The following TCF12 variants were observed in gnomAD, a reference collection of about 807,000 sequenced individuals.
TCF12 encodes transcription factor 12.
Under a neutral mutation model 86.0 loss-of-function variants are expected in TCF12, and 45 were observed. The ratio of observed to expected loss-of-function variants is 0.52; its 90% CI spans 0.41 to 0.67. The LOEUF (loss-of-function observed/expected upper bound fraction) is 0.67. Among genes scored for constraint, TCF12 ranks in the 30% least tolerant of loss-of-function variants. The probability of loss-of-function intolerance (pLI) is 0.00; values close to 1 mark genes in which losing one functional copy is unlikely to be tolerated. For synonymous variants in TCF12, 330 were observed against 299.6 expected, an observed-to-expected ratio of 1.10 and a Z score of -1.05; for missense variants, 881 against 859.9, an observed-to-expected ratio of 1.02 and a Z score of -0.31.
intron 8 of TCF12, among the ~76,000 whole-genome samples, chr15:57,226,124 G>C (rs28404473): frequency 0.013 from 1,945 of 148,714 alleles, 47 homozygotes; most frequent in African/African-American, 0.042. Flanking sequence ...TAAAATTATA[G>C]GCCTAGAGTC....
intron 3 of TCF12, among the ~76,000 whole-genome samples, chr15:56,935,428 A>G (rs1481011579): frequency 1.3e-5 from 2 of 152,012 alleles, no homozygotes; most frequent in Admixed American, 6.6e-5. Context: ...ATGTGTGTGT[A>G]TGGTGGGAGG....
chr15:56,960,338 C>A (rs1431295346), intron 3 of TCF12, among the ~76,000 whole-genome samples: 1 of 151,846 alleles, frequency 6.6e-6, no homozygotes, highest in Non-Finnish European at 1.5e-5. Context: ...ATGTTTGCTG[C>A]AAGTTAGTCA....
intron 5 of TCF12, among the ~76,000 whole-genome samples, chr15:57,097,896 C>A (rs2049438626): frequency 6.6e-6 from 1 of 151,852 alleles, no homozygotes; most frequent in Admixed American, 6.6e-5. Flanking sequence ...TGGCTCACCC[C>A]TGTAATCCCA....
At chr15:57,192,326 A>G in intron 7 of TCF12, 33 bp downstream of exon 7, 4 of 1,600,118 alleles carry the variant, frequency 2.5e-6, no homozygotes, top group South Asian at 1.1e-5. Context: ...CCCATCCCAC[A>G]TATGTTGTTG....
intron 5 of TCF12, among the ~76,000 whole-genome samples, chr15:57,107,838 T>C (rs2050236741): frequency 1.3e-5 from 2 of 152,138 alleles, no homozygotes; most frequent in African/African-American, 4.8e-5. Flanking sequence ...AGCCCAAGAA[T>C]TGAAGACCGC....
chr15:56,919,639 G>T (rs1234308349), intron 1 of TCF12: 4 of 313,306 alleles, frequency 1.3e-5, no homozygotes, highest in Non-Finnish European at 2.4e-5. Context: ...GAAACTTGGG[G>T]GAGAGGCGGC....
chr15:57,136,820 ACT>A (rs1328281852), intron 5 of TCF12, among the ~76,000 whole-genome samples: 2 of 151,736 alleles, frequency 1.3e-5, no homozygotes, highest in Admixed American at 1.3e-4. Flanking sequence ...GGACTGCCAC[ACT>A]CAGCTAATTT....
chr15:57,206,228 C>T (rs772919834), intron 8 of TCF12, among the ~76,000 whole-genome samples: 1 of 152,124 alleles, frequency 6.6e-6, no homozygotes, highest in Non-Finnish European at 1.5e-5. Flanking sequence ...TGAGGCCAGG[C>T]GTGATGGCTT....
At chr15:57,025,489 C>T (rs565737519) in intron 3 of TCF12, among the ~76,000 whole-genome samples, 19 of 152,142 alleles carry the variant, frequency 1.2e-4, no homozygotes, top group African/African-American at 4.3e-4. Context: ...GAATTTTGAC[C>T]ACAGAACCTG....
intron 13 of TCF12, chr15:57,251,132 G>GT (rs370758635): frequency 2.0e-4 from 89 of 437,626 alleles, no homozygotes; most frequent in East Asian, 1.1e-3. Flanking sequence ...AAATTACAGG[G>GT]TTTTTTTTCT....
At chr15:57,278,265 A>G (rs2061495610) in intron 19 of TCF12, among the ~76,000 whole-genome samples, 1 of 152,230 alleles carries the variant, frequency 6.6e-6, no homozygotes, top group South Asian at 2.1e-4. Flanking sequence ...AAATCCCATG[A>G]CAAGAGCTAC....
chr15:57,113,174 C>G (rs891955848), intron 5 of TCF12, among the ~76,000 whole-genome samples: 5 of 152,204 alleles, frequency 3.3e-5, no homozygotes, highest in African/African-American at 1.2e-4. Flanking sequence ...CCGTGACTCC[C>G]TATTTCTAGA....
rs549904980 is a variant in TCF12, at chr15:57,225,508, G to A, written c.580-5644G>A. On this transcript the variant is annotated intron_variant, in intron 8 of 20. Transcript: ENST00000333725. ...GATCCACCCGCCTCGGCCTCCCAAA[G>A]TGCTGGGATTACAGGCGTGAGCCAC... 5.5e-4 allele frequency among the ~76,000 whole-genome samples: 83 copies of A among 152,140 alleles called. No homozygotes were observed. In the South Asian group the frequency reaches 0.015, roughly 27 times the overall value.
At chr15:56,974,072 T>A (rs1278216239) in intron 3 of TCF12, among the ~76,000 whole-genome samples, 1 of 152,130 alleles carries the variant, frequency 6.6e-6, no homozygotes, top group Non-Finnish European at 1.5e-5. Context: ...TCTTTTCCTG[T>A]GAAGGACATT....
chr15:57,200,163 G>A (rs947034365), intron 8 of TCF12, among the ~76,000 whole-genome samples: 3 of 151,166 alleles, frequency 2.0e-5, no homozygotes, highest in African/African-American at 4.9e-5. Context: ...TTGTAGGTGC[G>A]AGCCACCACA....
At chr15:57,039,318 T>G (rs1596255425) in intron 3 of TCF12, among the ~76,000 whole-genome samples, 1 of 152,202 alleles carries the variant, frequency 6.6e-6, no homozygotes, top group South Asian at 2.1e-4. Flanking sequence ...CTGTTCATAT[T>G]GAAACTCATC....
intron 6 of TCF12, among the ~76,000 whole-genome samples, chr15:57,182,143 A>G (rs1426945524): frequency 6.6e-6 from 1 of 152,176 alleles, no homozygotes; most frequent in Non-Finnish European, 1.5e-5. Context: ...AGATACCTCC[A>G]GGACAAGATC....
chr15:56,958,674 AGAGAGTGTGTGTGT>A (rs2061601339), intron 3 of TCF12, among the ~76,000 whole-genome samples: 2 of 64,584 alleles, frequency 3.1e-5, no homozygotes, highest in South Asian at 8.0e-4. Flanking sequence ...AGAGAGAGAG[AGAGAGTGTGTGTGT>A]GTGTGTGTGT....
chr15:57,219,323 T>C (rs2058469379), intron 8 of TCF12: 3 of 1,226,610 alleles, frequency 2.4e-6, no homozygotes, highest in East Asian at 6.4e-5. Flanking sequence ...TGATGGAAAT[T>C]GAAAGAGGTT....
Sources: allele counts gnomAD v4.1 joint callset (sites outside exome capture counted in the v4.1 genomes callset), GRCh38; gene constraint gnomAD v4.1.1; transcripts MANE v1.5; gene names NCBI Gene and HGNC (gene_info 2026-07-23, HGNC 2026-07-21).